The following NOX4 variants were observed in gnomAD, a reference collection of about 807,000 sequenced individuals.
NOX4 encodes kidney oxidase-1.
In NOX4, 69 loss-of-function variants were observed where a neutral mutation model predicts 87.6. The observed-to-expected ratio is 0.79, with a 90% CI of 0.65 to 0.96. NOX4 has a LOEUF of 0.96. NOX4 is among the 40% of genes least tolerant of loss of function. The pLI is 0.00. For synonymous variants in NOX4, 275 were observed against 238.2 expected (o/e 1.15, Z -1.42); for missense variants, 680 against 681.5 (o/e 1.00, Z 0.02).
intron 13 of NOX4, among the ~76,000 whole-genome samples, chr11:89,350,843 C>T (rs543452647): frequency 2.6e-5 from 4 of 152,218 alleles, no homozygotes; most frequent in Admixed American, 2.0e-4. Context: ...CTTCTTATTC[C>T]CTTACCTGGG....
the NOX4 span, among the ~76,000 whole-genome samples, chr11:89,580,491 C>T: frequency 2.0e-5 from 3 of 152,000 alleles, no homozygotes; most frequent in African/African-American, 4.8e-5. Flanking sequence ...CTAAAATATG[C>T]GGTTTAAATA....
intron 6 of NOX4, among the ~76,000 whole-genome samples, chr11:89,434,180 T>G (rs566043370): frequency 6.6e-6 from 1 of 151,980 alleles, no homozygotes; most frequent in South Asian, 2.1e-4. Flanking sequence ...GCAACACAGG[T>G]GTGTATCATT....
chr11:89,330,354 AATAAAC>A (rs899886924), intron 17 of NOX4, among the ~76,000 whole-genome samples: 2 of 152,190 alleles, frequency 1.3e-5, no homozygotes, highest in African/African-American at 4.8e-5. Flanking sequence ...GTCTCTAAAA[AATAAAC>A]ATAAACATAA....
At chr11:89,400,853 A>G (rs898125985) in intron 9 of NOX4, among the ~76,000 whole-genome samples, 9 of 151,296 alleles carry the variant, frequency 5.9e-5, no homozygotes, top group Middle Eastern at 3.5e-3. Flanking sequence ...TAATATGTAT[A>G]TATATATATG....
intron 17 of NOX4, among the ~76,000 whole-genome samples, chr11:89,327,899 A>T (rs1264705745): frequency 1.3e-5 from 2 of 152,342 alleles, no homozygotes; most frequent in South Asian, 2.1e-4. Flanking sequence ...GAAAAAAAGC[A>T]AACAAAATAG....
chr11:89,555,295 G>A, the NOX4 span, among the ~76,000 whole-genome samples: 2 of 152,036 alleles, frequency 1.3e-5, no homozygotes, highest in Non-Finnish European at 2.9e-5. Context: ...GACCAGCCTA[G>A]GCAACATGGC....
At position 89,337,425 on chromosome 11, in the gene NOX4, T is replaced by C. The variant is rs1160505860; in HGVS notation, c.1515+22A>G. 6 of 1,611,038 alleles carry C rather than the reference T, an allele frequency of 3.7e-6. No individual in the cohort carries two copies. The Admixed American group carries it at 6.7e-5, about 18-fold the overall frequency. On this transcript the variant is annotated intron_variant, in intron 16 of 17. Transcript: ENST00000263317. Reference sequence around the variant, plus strand: ...CTATTATCAAGAGGCTTGTTTAATTTACGATAACATCAACCACATACCTGT... The same window carrying C: ...CTATTATCAAGAGGCTTGTTTAATTCACGATAACATCAACCACATACCTGT...
At chr11:89,445,118 T>C (rs1944636738) in intron 4 of NOX4, among the ~76,000 whole-genome samples, 1 of 152,134 alleles carries the variant, frequency 6.6e-6, no homozygotes, top group Non-Finnish European at 1.5e-5. Context: ...GGCCATATTA[T>C]TTGCCTTTCA....
At chr11:89,461,100 T>A (rs901469996) in intron 2 of NOX4, among the ~76,000 whole-genome samples, 1 of 152,084 alleles carries the variant, frequency 6.6e-6, no homozygotes, top group East Asian at 1.9e-4. Flanking sequence ...TAGGTGGGAA[T>A]TGAACAATGA....
chr11:89,520,862 A>G, the NOX4 span, among the ~76,000 whole-genome samples: 2 of 152,226 alleles, frequency 1.3e-5, no homozygotes, highest in African/African-American at 2.4e-5. Flanking sequence ...ATACAAAATC[A>G]ATGTACAAAA....
chr11:89,496,288 G>C (rs79220858), upstream of NOX4, among the ~76,000 whole-genome samples: 313 of 152,248 alleles, frequency 2.1e-3, no homozygotes, highest in African/African-American at 7.1e-3. Flanking sequence ...ATGCCCTTAA[G>C]GACCAGATAC....
the NOX4 span, among the ~76,000 whole-genome samples, chr11:89,560,961 C>CCTCT: frequency 1.1e-4 from 6 of 52,554 alleles, no homozygotes; most frequent in East Asian, 6.4e-4. Flanking sequence ...CATCTCATCT[C>CCTCT]GTCTCTCTCT....
chr11:89,376,956 G>C (rs1939888112), intron 11 of NOX4, among the ~76,000 whole-genome samples: 1 of 152,188 alleles, frequency 6.6e-6, no homozygotes, highest in African/African-American at 2.4e-5. Context: ...TACTTGGGAA[G>C]CTGAGGCAGG....
At chr11:89,365,558 A>C (rs965258316) in intron 12 of NOX4, among the ~76,000 whole-genome samples, 1 of 151,892 alleles carries the variant, frequency 6.6e-6, no homozygotes, top group Non-Finnish European at 1.5e-5. Flanking sequence ...TTTAAGAAAA[A>C]TGTTATATTT....
intron 7 of NOX4, 134 bp from the exon 8 acceptor site, chr11:89,422,116 C>T (rs181130279): frequency 2.3e-4 from 114 of 496,592 alleles, no homozygotes; most frequent in African/African-American, 2.1e-3. Context: ...TATTAATCTA[C>T]TAATACCAAA....
At chr11:89,511,578 G>A in the NOX4 span, among the ~76,000 whole-genome samples, 2 of 151,884 alleles carry the variant, frequency 1.3e-5, no homozygotes, top group South Asian at 2.1e-4. Flanking sequence ...CAGAAATTCC[G>A]ATGACAAAAA....
At chr11:89,463,317 T>C (rs1945551461) in intron 2 of NOX4, among the ~76,000 whole-genome samples, 1 of 151,912 alleles carries the variant, frequency 6.6e-6, no homozygotes, top group Admixed American at 6.6e-5. Flanking sequence ...AAGAATCAGT[T>C]CCCTTTGGTA....
intron 13 of NOX4, among the ~76,000 whole-genome samples, chr11:89,345,496 T>C (rs1946178153): frequency 6.6e-6 from 1 of 152,158 alleles, no homozygotes; most frequent in Non-Finnish European, 1.5e-5. Flanking sequence ...GCCAGACACA[T>C]GACCATGAGC....
intron 12 of NOX4, among the ~76,000 whole-genome samples, chr11:89,373,006 G>A (rs887563624): frequency 9.2e-5 from 14 of 151,820 alleles, no homozygotes; most frequent in African/African-American, 3.4e-4. Context: ...CTGTGAAGTT[G>A]CCCTATATAC....
Sources: allele counts gnomAD v4.1 joint callset (sites outside exome capture counted in the v4.1 genomes callset), GRCh38; gene constraint gnomAD v4.1.1; transcripts MANE v1.5; gene names NCBI Gene and HGNC (gene_info 2026-07-23, HGNC 2026-07-21).